The following TPH2 variants were observed in gnomAD, a reference collection of about 807,000 sequenced individuals.
TPH2 encodes the protein tryptophan hydroxylase 2.
A neutral mutation model predicts 59.1 loss-of-function variants in TPH2; 27 were observed. The observed-to-expected ratio is 0.46, with a 90% CI of 0.34 to 0.63. The LOEUF (loss-of-function observed/expected upper bound fraction) is 0.63, where lower values mean the gene tolerates loss of function less well. Ranked by LOEUF, TPH2 falls within the 30% of genes least tolerant of loss-of-function variation. The pLI is 0.01. For synonymous variants in TPH2, 220 were observed against 210.5 expected (o/e 1.05, Z -0.39); for missense variants, 523 against 588.3 (o/e 0.89, Z 1.15).
intron 7 of TPH2, among the ~76,000 whole-genome samples, chr12:71,979,538 C>T (rs912959631): frequency 2.0e-5 from 3 of 152,344 alleles, no homozygotes; most frequent in African/African-American, 2.4e-5. Context: ...GTGCTTTGCT[C>T]TCCCTGCCAT....
chr12:72,010,001 G>A (rs776201431), intron 8 of TPH2, among the ~76,000 whole-genome samples: 2 of 152,176 alleles, frequency 1.3e-5, no homozygotes, highest in African/African-American at 2.4e-5. Context: ...CCCCATGTTT[G>A]AAATGGGGGA....
At chr12:72,020,313 T>A (rs1483999434) in intron 8 of TPH2, among the ~76,000 whole-genome samples, 1 of 152,186 alleles carries the variant, frequency 6.6e-6, no homozygotes, top group East Asian at 1.9e-4. Context: ...CCTGCTTTTT[T>A]GGAGTTTATA....
At chr12:72,030,460 A>C (rs1414177810) in intron 9 of TPH2, among the ~76,000 whole-genome samples, 2 of 152,134 alleles carry the variant, frequency 1.3e-5, no homozygotes, top group African/African-American at 4.8e-5. Context: ...ACTAACTTTT[A>C]ACATCACTGA....
intron 8 of TPH2, among the ~76,000 whole-genome samples, chr12:72,015,544 C>G (rs1368783684): frequency 6.6e-6 from 1 of 151,948 alleles, no homozygotes; most frequent in Admixed American, 6.5e-5. Flanking sequence ...TGGTCTCGAT[C>G]TCCTGACCTC....
intron 4 of TPH2, among the ~76,000 whole-genome samples, chr12:71,945,871 G>A (rs192594241): frequency 6.6e-5 from 10 of 152,234 alleles, no homozygotes; most frequent in African/African-American, 2.4e-4. Context: ...GAAACAATGT[G>A]TTATATTTGC....
At chr12:71,970,380 C>T (rs1278575674) in intron 5 of TPH2, among the ~76,000 whole-genome samples, 3 of 152,202 alleles carry the variant, frequency 2.0e-5, no homozygotes, top group African/African-American at 7.2e-5. Flanking sequence ...AGTAACAGAC[C>T]TGTATAACAA....
In TPH2 at chr12:71,982,015, ATTT is replaced by A. The variant is rs781612841; in HGVS notation, c.941+2943_941+2945del. On this transcript the variant is annotated intron_variant, in intron 7 of 10. Coordinates refer to ENST00000333850, the MANE Select transcript of TPH2 (RefSeq NM_173353.4). ...TTTTTGTGGGTTTCATATCATTCGT[ATTT>A]TTTTTTTTTTTTTTAGACAGAGTCT... 1.7e-4 allele frequency among the ~76,000 whole-genome samples: 10 copies of A among 60,490 alleles called. 1 individual carries two copies. The highest frequency in any genetic ancestry group is 5.5e-4 in the South Asian group (1 of 1,810). 39.7% of individuals were successfully genotyped at this position (60,490 alleles called of 152,430 possible).
At chr12:71,960,644 G>C (rs1254681442) in intron 5 of TPH2, among the ~76,000 whole-genome samples, 1 of 152,160 alleles carries the variant, frequency 6.6e-6, no homozygotes, top group Non-Finnish European at 1.5e-5. Flanking sequence ...TGCCTCAGTA[G>C]GATGTTGTCT....
At chr12:71,962,864 A>G (rs1871726796) in intron 5 of TPH2, 1 of 95,700 alleles carries the variant, frequency 1.0e-5, no homozygotes, top group Non-Finnish European at 2.3e-5. Flanking sequence ...AATTACAGGC[A>G]CACGCCACCA....
intron 4 of TPH2, among the ~76,000 whole-genome samples, chr12:71,949,142 G>T (rs1440932090): frequency 6.6e-6 from 1 of 152,136 alleles, no homozygotes; most frequent in Non-Finnish European, 1.5e-5. Flanking sequence ...CTAAATGATA[G>T]AATTTATAAT....
chr12:71,950,665 C>A (rs1413191991), intron 5 of TPH2, among the ~76,000 whole-genome samples: 1 of 152,142 alleles, frequency 6.6e-6, no homozygotes, highest in Non-Finnish European at 1.5e-5. Context: ...AACTTGTCAT[C>A]AGAACAAAAT....
At chr12:72,001,769 C>A (rs1259697003) in intron 8 of TPH2, among the ~76,000 whole-genome samples, 4 of 151,950 alleles carry the variant, frequency 2.6e-5, no homozygotes, top group Non-Finnish European at 5.9e-5. Context: ...CTTACCATAT[C>A]TCCTCCATTT....
At chr12:72,014,590 C>A (rs930088811) in intron 8 of TPH2, among the ~76,000 whole-genome samples, 1 of 151,974 alleles carries the variant, frequency 6.6e-6, no homozygotes, top group African/African-American at 2.4e-5. Context: ...GGGGTTTCGC[C>A]ATGTTGGCCA....
In TPH2 at chr12:71,994,521, G is replaced by A; in HGVS notation, c.1024G>A (p.Ala342Thr). 1 of 1,613,970 alleles carries A rather than the reference G, an allele frequency of 6.2e-7. No individual in the cohort carries two copies. Among genetic ancestry groups the A allele is most frequent in the Non-Finnish European group, 8.5e-7 (1 of 1,179,884 alleles). Residue 342 changes from alanine (A) to threonine (T), a missense_variant, in exon 8 of 11, where the codon GCG (alanine) becomes ACG (threonine). Physicochemically the swap from Ala to Thr is moderately conservative, Grantham distance 58 (BLOSUM62 0). Coordinates refer to ENST00000333850, the MANE Select transcript of TPH2 (RefSeq NM_173353.4). Reference sequence around the variant, plus strand: ...TCAGTTTTCACAAGAAATAGGTCTGGCGTCTCTGGGAGCATCAGATGAAGA... The same window carrying A: ...TCAGTTTTCACAAGAAATAGGTCTGACGTCTCTGGGAGCATCAGATGAAGA... ...FAQFSQEIGLASLGASDEDVQ... is the reference protein window; with the variant it reads ...FAQFSQEIGLTSLGASDEDVQ...
intron 8 of TPH2, among the ~76,000 whole-genome samples, chr12:72,018,401 T>G (rs1337469501): frequency 6.6e-6 from 1 of 152,172 alleles, no homozygotes; most frequent in African/African-American, 2.4e-5. Flanking sequence ...AGACCTACCT[T>G]TTAATTCCTA....
chr12:72,017,934 T>C (rs530813864), intron 8 of TPH2, among the ~76,000 whole-genome samples: 1 of 152,210 alleles, frequency 6.6e-6, no homozygotes, highest in Non-Finnish European at 1.5e-5. Context: ...CTATGCATTC[T>C]GAGGTCTTCA....
At chr12:72,022,548 G>A in intron 9 of TPH2, 54 bp downstream of exon 9, 1 of 1,257,938 alleles carries the variant, frequency 7.9e-7, no homozygotes. Context: ...TCAAGGTCAG[G>A]GAAAATATTG....
At chr12:72,014,932 G>C (rs1032248188) in intron 8 of TPH2, among the ~76,000 whole-genome samples, 10 of 152,076 alleles carry the variant, frequency 6.6e-5, no homozygotes, top group African/African-American at 2.4e-4. Flanking sequence ...TTCACTTTTG[G>C]TTCCCAACGT....
At chr12:72,001,035 T>C (rs1246304476) in intron 8 of TPH2, among the ~76,000 whole-genome samples, 1 of 152,216 alleles carries the variant, frequency 6.6e-6, no homozygotes, top group Non-Finnish European at 1.5e-5. Flanking sequence ...TCATTTCTCA[T>C]ATCATAAAGG....
Sources: gnomAD v4.1 joint callset for allele counts (sites outside exome capture counted in the v4.1 genomes callset) on GRCh38, gnomAD v4.1.1 for gene constraint, MANE v1.5 for transcripts, NCBI Gene and HGNC (gene_info 2026-07-23, HGNC 2026-07-21) for gene names.